The following ATP8A2 variants were observed in gnomAD, a reference collection of about 807,000 sequenced individuals.
ATP8A2 encodes ATPase phospholipid transporting 8A2, also known as phospholipid-transporting ATPase IB.
In ATP8A2, 100 loss-of-function variants were observed where a neutral mutation model predicts 165.6. The ratio of observed to expected loss-of-function variants is 0.60; its 90% CI spans 0.51 to 0.71. The LOEUF (loss-of-function observed/expected upper bound fraction) is 0.71, where lower values mean the gene tolerates loss of function less well. Ranked by LOEUF, ATP8A2 falls within the 30% of genes least tolerant of loss-of-function variation. The probability of loss-of-function intolerance (pLI) is 0.00; values close to 1 mark genes in which losing one functional copy is unlikely to be tolerated. For synonymous variants in ATP8A2, 543 were observed against 548.8 expected (o/e 0.99, Z 0.15); for missense variants, 1,227 against 1,479.5 (o/e 0.83, Z 2.80).
chr13:25,435,047 T>C (rs1055959056), intron 1 of ATP8A2, among the ~76,000 whole-genome samples: 1 of 152,166 alleles, frequency 6.6e-6, no homozygotes, highest in Non-Finnish European at 1.5e-5. Context: ...TGAGTTCTTA[T>C]GTGTTCATCT....
At chr13:25,491,930 C>T (rs1410321971) in intron 2 of ATP8A2, among the ~76,000 whole-genome samples, 1 of 152,094 alleles carries the variant, frequency 6.6e-6, no homozygotes, top group African/African-American at 2.4e-5. Context: ...AGTCTGTAAC[C>T]AAAGGATCAA....
intron 35 of ATP8A2, among the ~76,000 whole-genome samples, chr13:25,978,027 T>G (rs1956096989): frequency 6.6e-6 from 1 of 152,242 alleles, no homozygotes; most frequent in African/African-American, 2.4e-5. Flanking sequence ...AAGACTTTTT[T>G]TCAAGAACCA....
chr13:25,818,387 C>T (rs921763033), intron 27 of ATP8A2, among the ~76,000 whole-genome samples: 3 of 152,114 alleles, frequency 2.0e-5, no homozygotes, highest in Admixed American at 2.0e-4. Flanking sequence ...GCCATAAATA[C>T]TGATTTGATT....
At chr13:25,660,556 C>T (rs572713514) in intron 24 of ATP8A2, among the ~76,000 whole-genome samples, 5 of 151,748 alleles carry the variant, frequency 3.3e-5, no homozygotes, top group Non-Finnish European at 7.4e-5. Flanking sequence ...AGTTTGGAGC[C>T]AAAATTTAAA....
intron 25 of ATP8A2, among the ~76,000 whole-genome samples, chr13:25,721,440 C>G (rs918696220): frequency 1.3e-5 from 2 of 152,174 alleles, no homozygotes; most frequent in African/African-American, 4.8e-5. Context: ...AGACCAGTGT[C>G]CTGAAGCATT....
At chr13:25,507,325 G>A (rs1394731690) in intron 2 of ATP8A2, among the ~76,000 whole-genome samples, 1 of 151,586 alleles carries the variant, frequency 6.6e-6, no homozygotes, top group Non-Finnish European at 1.5e-5. Flanking sequence ...GAGTGTAGTG[G>A]TGCGATCTTG....
chr13:25,944,757 G>A (rs1955164023), intron 33 of ATP8A2: 1 of 152,194 alleles, frequency 6.6e-6, no homozygotes, highest in Admixed American at 6.5e-5. Context: ...CATAATGTGA[G>A]TGTATTTATC....
chr13:25,497,642 G>C (rs534433522), intron 2 of ATP8A2, among the ~76,000 whole-genome samples: 60 of 152,092 alleles, frequency 3.9e-4, no homozygotes, highest in African/African-American at 1.4e-3. Context: ...CTCCCCTCTT[G>C]AAAATAACTA....
chr13:25,600,172 A>G (rs937470743), intron 24 of ATP8A2, among the ~76,000 whole-genome samples: 4 of 152,236 alleles, frequency 2.6e-5, no homozygotes, highest in African/African-American at 9.6e-5. Flanking sequence ...TCTTCCTGCA[A>G]ATAAAGTTTC....
chr13:25,502,630 A>G (rs1028346957), intron 2 of ATP8A2, among the ~76,000 whole-genome samples: 1 of 152,240 alleles, frequency 6.6e-6, no homozygotes, highest in Non-Finnish European at 1.5e-5. Flanking sequence ...AGTAACTGCT[A>G]TGATAATATT....
intron 24 of ATP8A2, among the ~76,000 whole-genome samples, chr13:25,685,877 C>G (rs1257453560): frequency 1.3e-5 from 2 of 152,118 alleles, no homozygotes; most frequent in Non-Finnish European, 2.9e-5. Context: ...AGGGACAGTT[C>G]AGGAGGCTGC....
chr13:25,983,554 C>T (rs191540505), intron 35 of ATP8A2, among the ~76,000 whole-genome samples: 22 of 152,290 alleles, frequency 1.4e-4, no homozygotes, highest in Admixed American at 9.8e-4. Flanking sequence ...TCTAAAAGTA[C>T]ATTTCCTTTA....
At chr13:25,871,109 G>GT (rs1952666366) in intron 33 of ATP8A2, 36 of 288,924 alleles carry the variant, frequency 1.2e-4, no homozygotes, top group South Asian at 3.4e-4. Context: ...TTGATTGAGT[G>GT]GTTTTTTTTT....
intron 33 of ATP8A2, among the ~76,000 whole-genome samples, chr13:25,871,795 A>C (rs377154577): frequency 1.3e-5 from 2 of 152,318 alleles, no homozygotes; most frequent in East Asian, 3.9e-4. Flanking sequence ...GGCTAAAGAC[A>C]AGAAAGAGAA....
At chr13:25,532,472 T>A (rs910790667) in intron 5 of ATP8A2, among the ~76,000 whole-genome samples, 155 bp downstream of exon 5, 3 of 152,176 alleles carry the variant, frequency 2.0e-5, no homozygotes, top group African/African-American at 7.2e-5. Flanking sequence ...AAACTGAACA[T>A]AATTTTAGTC....
Position 25,689,744 on chromosome 13 carries a change from GTGT to G in ATP8A2, c.2212-9428_2212-9426del, listed in dbSNP as rs530221669. On this transcript the variant is annotated intron_variant, in intron 24 of 36. Transcript: ENST00000381655. ...TCTAGAGATCCACTCTGGGCAAATGGTGTGACAAGCAACTGTTCCGTGGGATTA... is the reference window on the plus strand; with the variant it reads ...TCTAGAGATCCACTCTGGGCAAATGGGACAAGCAACTGTTCCGTGGGATTA... Among the ~76,000 whole-genome samples, 327 of 152,266 alleles carry G rather than the reference GTGT, an allele frequency of 2.1e-3. 2 individuals carry two copies. The highest frequency in any genetic ancestry group is 4.3e-3 in the Admixed American group (66 of 15,304).
chr13:25,903,948 A>G (rs1188028725), intron 33 of ATP8A2, among the ~76,000 whole-genome samples: 1 of 152,200 alleles, frequency 6.6e-6, no homozygotes, highest in Non-Finnish European at 1.5e-5. Flanking sequence ...AAGTAAATGA[A>G]TGTGAATCTT....
At chr13:25,902,899 A>G (rs1953801699) in intron 33 of ATP8A2, among the ~76,000 whole-genome samples, 1 of 151,212 alleles carries the variant, frequency 6.6e-6, no homozygotes, top group African/African-American at 2.4e-5. Context: ...CCTGAAAATC[A>G]ACTGTCAAAC....
chr13:25,904,929 T>C (rs1379266276), intron 33 of ATP8A2, among the ~76,000 whole-genome samples: 1 of 152,200 alleles, frequency 6.6e-6, no homozygotes, highest in Non-Finnish European at 1.5e-5. Context: ...ACAAAAGTTA[T>C]GTTATTGATG....
Sources: allele counts gnomAD v4.1 joint callset (sites outside exome capture counted in the v4.1 genomes callset), GRCh38; gene constraint gnomAD v4.1.1; transcripts MANE v1.5; gene names NCBI Gene and HGNC (gene_info 2026-07-23, HGNC 2026-07-21).